Variants in NBEA observed in about 807,000 individuals in gnomAD.
The protein encoded by NBEA is neurobeachin, also known as lysosomal-trafficking regulator 2.
A neutral mutation model predicts 343.4 loss-of-function variants in NBEA; 44 were observed. That is an observed-to-expected ratio of 0.13 (90% CI 0.10 to 0.16). NBEA has a LOEUF of 0.16. Ranked by LOEUF, NBEA falls within the 10% of genes least tolerant of loss-of-function variation. NBEA has a pLI of 1.00. For synonymous variants in NBEA, 1,175 were observed against 1,238.7 expected (o/e 0.95, Z 1.08); for missense variants, 2,555 against 3,631.3 (o/e 0.70, Z 7.62).
intron 18 of NBEA, among the ~76,000 whole-genome samples, chr13:35,155,424 GA>G (rs1177797308): frequency 2.0e-5 from 3 of 152,102 alleles, no homozygotes; most frequent in African/African-American, 7.2e-5. Context: ...AGGAGTTCGA[GA>G]CCAGCCTGAT....
chr13:35,513,625 A>G (rs187958834), intron 41 of NBEA, among the ~76,000 whole-genome samples: 55 of 152,134 alleles, frequency 3.6e-4, no homozygotes, highest in Admixed American at 3.4e-3. Context: ...ATTATAATTT[A>G]TATATTCCTG....
intron 55 of NBEA, among the ~76,000 whole-genome samples, chr13:35,661,666 C>A (rs1333934057): frequency 6.6e-6 from 1 of 152,144 alleles, no homozygotes; most frequent in Non-Finnish European, 1.5e-5. Flanking sequence ...CGATACCGCT[C>A]TTCTCAGCTA....
At chr13:34,962,552 C>A (rs770969560) in intron 1 of NBEA, among the ~76,000 whole-genome samples, 1 of 151,998 alleles carries the variant, frequency 6.6e-6, no homozygotes, top group African/African-American at 2.4e-5. Flanking sequence ...GAAAACGTTA[C>A]AGAGTTGAGG....
intron 55 of NBEA, among the ~76,000 whole-genome samples, chr13:35,660,704 T>C (rs1409454655): frequency 1.3e-5 from 2 of 152,186 alleles, no homozygotes; most frequent in African/African-American, 4.8e-5. Flanking sequence ...ACTATCCTGG[T>C]GCCCAGCTCC....
At position 34,942,652 on chromosome 13, in the gene NBEA, C is replaced by A. The variant is rs1200551701; in HGVS notation, c.-169C>A. The A allele has an allele frequency of 2.6e-6, 1 of 380,732 alleles. No individual in the cohort carries two copies. The highest frequency in any genetic ancestry group is 4.5e-6 in the Non-Finnish European group (1 of 224,612). 23.6% of individuals were successfully genotyped at this position (380,732 alleles called of 1,614,324 possible). ...CCCCCGCCGCCTCCGCGGGGGAGAG[C>A]GCCGGAGCGGGCCGGGCTGAGGCGC... On this transcript the variant is annotated 5_prime_UTR_variant, in exon 1 of 59. Transcript: ENST00000379939.
intron 36 of NBEA, among the ~76,000 whole-genome samples, chr13:35,318,474 T>A (rs1459265119): frequency 6.6e-6 from 1 of 152,202 alleles, no homozygotes; most frequent in Non-Finnish European, 1.5e-5. Context: ...GTGGATAAGC[T>A]TTTTGATGTG....
intron 13 of NBEA, among the ~76,000 whole-genome samples, chr13:35,115,708 C>A (rs909878863): frequency 9.2e-5 from 14 of 152,096 alleles, no homozygotes; most frequent in African/African-American, 3.1e-4. Flanking sequence ...GTATATATTT[C>A]TTTGCAACAT....
chr13:35,036,829 A>G (rs1469159520), intron 1 of NBEA, among the ~76,000 whole-genome samples: 1 of 151,880 alleles, frequency 6.6e-6, no homozygotes, highest in East Asian at 1.9e-4. Context: ...TAGGATTCTT[A>G]CTTTATTCTT....
chr13:35,093,292 T>G (rs962180973), intron 10 of NBEA, among the ~76,000 whole-genome samples: 1 of 140,026 alleles, frequency 7.1e-6, no homozygotes, highest in Non-Finnish European at 1.5e-5. Flanking sequence ...ATGTATCTAT[T>G]TAACATTCTC....
At chr13:35,181,783 A>G (rs1244220258) in intron 28 of NBEA, among the ~76,000 whole-genome samples, 1 of 151,830 alleles carries the variant, frequency 6.6e-6, no homozygotes, top group Non-Finnish European at 1.5e-5. Flanking sequence ...TTATACGATC[A>G]AAGATTGAAT....
At chr13:35,601,761 C>CAAAAAAA (rs869213180) in intron 47 of NBEA, among the ~76,000 whole-genome samples, 1 of 114,932 alleles carries the variant, frequency 8.7e-6, no homozygotes, top group Non-Finnish European at 1.6e-5. Context: ...GACTCCATCG[C>CAAAAAAA]AAAAAAAAAA....
chr13:35,016,655 C>A (rs1285321867), intron 1 of NBEA, among the ~76,000 whole-genome samples: 1 of 151,934 alleles, frequency 6.6e-6, no homozygotes, highest in Admixed American at 6.6e-5. Flanking sequence ...AGATTGTATA[C>A]ACACAAATCA....
rs139909100 is a variant in NBEA at position 34,982,969 on chromosome 13, G to A, written c.294+39855G>A. On this transcript the variant is annotated intron_variant, in intron 1 of 58. Transcript: ENST00000379939. ...ATGTATTTTGAAATTCTTAGCAATT[G>A]TGTGCACATTTGATTGTTATCTGTT... 1.9e-3 allele frequency among the ~76,000 whole-genome samples: 284 copies of A among 152,070 alleles called. 1 individual carries two copies. Among genetic ancestry groups the A allele is most frequent in the Middle Eastern group, 6.8e-3 (2 of 294 alleles).
rs376656965 is a variant in NBEA, at chr13:35,070,152, A to G, written c.1437+47A>G. On this transcript the variant is annotated intron_variant, in intron 9 of 58. Coordinates refer to ENST00000379939, the MANE Select transcript of NBEA (RefSeq NM_001385012.1). ...TTTCATGTTCTTGTCAGAATTTGAC[A>G]GTATCTTTATTTTATATATCAAACA... The G allele has an allele frequency of 1.8e-4, 255 of 1,407,318 alleles. 1 individual carries two copies. Among genetic ancestry groups the G allele is most frequent in the Non-Finnish European group, 2.3e-4 (245 of 1,064,456 alleles). The allele number at this position is 1,407,318 out of a possible 1,614,324, so 87.2% of individuals were successfully genotyped here. A position where few individuals can be genotyped will look rare whatever the true frequency, so the allele number is the denominator to read the frequency against.
intron 33 of NBEA, among the ~76,000 whole-genome samples, chr13:35,217,173 C>G (rs2074110439): frequency 6.6e-6 from 1 of 151,850 alleles, no homozygotes; most frequent in Admixed American, 6.6e-5. Context: ...ATCAATATGT[C>G]TCCTTCATGA....
intron 35 of NBEA, among the ~76,000 whole-genome samples, chr13:35,298,243 ATATATG>A (rs1322281022): frequency 0.014 from 1,592 of 116,112 alleles, 10 homozygotes; most frequent in African/African-American, 0.024. Flanking sequence ...ATATATATAT[ATATATG>A]TATATGCTTC....
At chr13:35,543,186 A>T (rs539800700) in intron 41 of NBEA, among the ~76,000 whole-genome samples, 1 of 152,338 alleles carries the variant, frequency 6.6e-6, no homozygotes, top group South Asian at 2.1e-4. Context: ...ATGAAATTAT[A>T]TTAGAAATTC....
At chr13:35,634,255 A>C (rs1425645072) in intron 49 of NBEA, among the ~76,000 whole-genome samples, 2 of 152,178 alleles carry the variant, frequency 1.3e-5, no homozygotes, top group Non-Finnish European at 2.9e-5. Context: ...AGGCAGGAGA[A>C]TGGTGTGAAC....
intron 30 of NBEA, among the ~76,000 whole-genome samples, chr13:35,191,801 A>G (rs1031340786): frequency 6.6e-6 from 1 of 152,010 alleles, no homozygotes; most frequent in African/African-American, 2.4e-5. Flanking sequence ...CCTTATTTAG[A>G]GAGTTTGGAA....
Sources: allele counts gnomAD v4.1 joint callset (sites outside exome capture counted in the v4.1 genomes callset), GRCh38; gene constraint gnomAD v4.1.1; transcripts MANE v1.5; gene names NCBI Gene and HGNC (gene_info 2026-07-23, HGNC 2026-07-21).